STAM2: variants seen among roughly 807,000 people sequenced by gnomAD.
The protein encoded by STAM2 is signal transducing adapter molecule 2.
STAM2 carries 51 observed loss-of-function variants against 65.6 expected under a neutral mutation model. That is an observed-to-expected ratio of 0.78 (90% CI 0.62 to 0.98). STAM2 has a LOEUF of 0.98. Ranked by LOEUF, STAM2 falls within the 50% of genes least tolerant of loss-of-function variation. STAM2 has a pLI of 0.00. For missense variants in STAM2, 584 were observed against 617.8 expected (o/e 0.95, Z 0.58); for synonymous variants, 198 against 208.4 (o/e 0.95, Z 0.43).
chr2:152,160,660 C>T (rs1206205209), intron 1 of STAM2, among the ~76,000 whole-genome samples: 1 of 147,636 alleles, frequency 6.8e-6, no homozygotes, highest in African/African-American at 2.5e-5. Flanking sequence ...TGGGGGTCAG[C>T]CCCCCGCCCG....
At chr2:152,126,513 T>G (rs893612585) in intron 11 of STAM2, 134 bp from the exon 12 acceptor site, 1 of 510,678 alleles carries the variant, frequency 2.0e-6, no homozygotes, top group Non-Finnish European at 3.0e-6. Flanking sequence ...GAAAGAATAT[T>G]CACAAAGGGA....
chr2:152,148,266 C>T lies in STAM2; in HGVS notation c.160G>A (p.Val54Ile), dbSNP rs778607858. ...KDCLKAIMKRVNHKVPHVALQ... is the reference protein window; with the variant it reads ...KDCLKAIMKRINHKVPHVALQ... The stretch of plus-strand genomic sequence containing the variant: ...GCAACATGTGGAACCTTATGATTTA[C>T]CCTTTTCATTATGGCTTTTAGGCAA... Residue 54 changes from valine (V) to isoleucine (I), a missense_variant, in exon 3 of 14, where the codon GTA becomes ATA. By Grantham distance (29) the Val-to-Ile change is conservative. Transcript: ENST00000263904. 3 of 1,611,354 alleles carry T rather than the reference C, an allele frequency of 1.9e-6. No individual in the cohort carries two copies. The highest frequency in any genetic ancestry group is 2.5e-6 in the Non-Finnish European group (3 of 1,178,990).
At chr2:152,136,333 C>T (rs1689153544) in intron 7 of STAM2, among the ~76,000 whole-genome samples, 1 of 151,862 alleles carries the variant, frequency 6.6e-6, no homozygotes, top group Non-Finnish European at 1.5e-5. Flanking sequence ...ATCCCAGCAA[C>T]TTGGGAGGCT....
intron 1 of STAM2, 133 bp downstream of exon 1, chr2:152,175,470 C>A (rs888589955): frequency 6.0e-6 from 7 of 1,166,056 alleles, no homozygotes; most frequent in Non-Finnish European, 7.5e-6. Flanking sequence ...GTCGAAGGAG[C>A]GGGCGGCACC....
At chr2:152,134,452 T>C (rs977917213) in intron 8 of STAM2, among the ~76,000 whole-genome samples, 38 of 152,346 alleles carry the variant, frequency 2.5e-4, no homozygotes, top group African/African-American at 9.1e-4. Flanking sequence ...CAAAGTACTC[T>C]ATATTCAAAT....
intron 1 of STAM2, among the ~76,000 whole-genome samples, chr2:152,154,649 A>G (rs528513367): frequency 1.3e-5 from 2 of 151,892 alleles, no homozygotes; most frequent in East Asian, 3.9e-4. Flanking sequence ...GGGCAGGCTC[A>G]GGGTGACACT....
At chr2:152,166,672 G>GA (rs986015407) in intron 1 of STAM2, among the ~76,000 whole-genome samples, 42 of 146,110 alleles carry the variant, frequency 2.9e-4, no homozygotes, top group Admixed American at 1.0e-3. Flanking sequence ...ATTAATGTTT[G>GA]AAAAAAAAAA....
chr2:152,135,009 C>T (rs1357916534), intron 8 of STAM2, among the ~76,000 whole-genome samples: 2 of 152,174 alleles, frequency 1.3e-5, no homozygotes, highest in African/African-American at 4.8e-5. Flanking sequence ...GGCTTGATTA[C>T]ATTACTTTGT....
chr2:152,125,319 G>T (rs1688945142), intron 12 of STAM2, among the ~76,000 whole-genome samples: 2 of 152,182 alleles, frequency 1.3e-5, no homozygotes, highest in Admixed American at 1.3e-4. Flanking sequence ...TGACGTGACA[G>T]TTACCATAGT....
At chr2:152,170,070 C>G (rs1375823771) in intron 1 of STAM2, among the ~76,000 whole-genome samples, 1 of 151,722 alleles carries the variant, frequency 6.6e-6, no homozygotes, top group Non-Finnish European at 1.5e-5. Context: ...CTCCTGACCT[C>G]AGAAGATTTG....
intron 13 of STAM2, among the ~76,000 whole-genome samples, chr2:152,123,537 C>A (rs1477607229): frequency 3.3e-5 from 5 of 152,144 alleles, no homozygotes; most frequent in African/African-American, 1.2e-4. Context: ...ACATCATGGG[C>A]TTAGTCTCAT....
chr2:152,127,306 T>C (rs958368139), intron 11 of STAM2, among the ~76,000 whole-genome samples: 4 of 152,224 alleles, frequency 2.6e-5, no homozygotes, highest in Non-Finnish European at 5.9e-5. Flanking sequence ...CTTTATAATA[T>C]TAGGGAAAAG....
chr2:152,172,878 GAAAAAGA>G (rs1689921252), intron 1 of STAM2, among the ~76,000 whole-genome samples: 2 of 147,686 alleles, frequency 1.4e-5, no homozygotes, highest in Non-Finnish European at 3.0e-5. Context: ...AAAAAAAAAA[GAAAAAGA>G]AAAAAGAAAA....
rs989467387 is a variant in STAM2 at position 152,137,252 on chromosome 2, T to C, written c.705-1649A>G. On this transcript the variant is annotated intron_variant, in intron 7 of 13. Coordinates refer to ENST00000263904, the MANE Select transcript of STAM2 (RefSeq NM_005843.6). ...TAGAATGGCTGTGAAAATTCACCTTTCTCCTCCCCCCGGTTGCATGTAACA... is the reference window on the plus strand; with the variant it reads ...TAGAATGGCTGTGAAAATTCACCTTCCTCCTCCCCCCGGTTGCATGTAACA... Among the ~76,000 whole-genome samples the C allele has an allele frequency of 7.9e-5, 12 of 152,098 alleles. 1 individual carries two copies. Among genetic ancestry groups the C allele is most frequent in the Non-Finnish European group, 1.8e-4 (12 of 68,008 alleles).
At chr2:152,166,005 C>T (rs917947417) in intron 1 of STAM2, among the ~76,000 whole-genome samples, 189 of 152,214 alleles carry the variant, frequency 1.2e-3, no homozygotes, top group African/African-American at 4.5e-3. Flanking sequence ...GAGTTGCAGA[C>T]CAGCCTGGCC....
intron 5 of STAM2, 143 bp downstream of exon 5, chr2:152,147,019 G>T: frequency 1.5e-6 from 1 of 688,588 alleles, no homozygotes; most frequent in Admixed American, 3.0e-5. Context: ...TCTACTAAAC[G>T]TAAGGAAGGC....
chr2:152,155,892 AT>A (rs1179411346), intron 1 of STAM2, among the ~76,000 whole-genome samples: 1 of 152,054 alleles, frequency 6.6e-6, no homozygotes, highest in Admixed American at 6.6e-5. Flanking sequence ...ATTTTTACGA[AT>A]TTTTTGTCAG....
chr2:152,141,138 C>CAAAAAA (rs72256027), intron 7 of STAM2, among the ~76,000 whole-genome samples: 1 of 109,640 alleles, frequency 9.1e-6, no homozygotes, highest in Non-Finnish European at 1.9e-5. Context: ...GACCCTGTCT[C>CAAAAAA]AAAAAAAAAA....
At chr2:152,135,683 A>C in intron 7 of STAM2, 80 bp from the exon 8 acceptor site, 1 of 951,512 alleles carries the variant, frequency 1.1e-6, no homozygotes, top group Non-Finnish European at 1.6e-6. Flanking sequence ...AATTAAATTT[A>C]GCCTCCTTTG....
Sources: gnomAD v4.1 joint callset for allele counts (sites outside exome capture counted in the v4.1 genomes callset) on GRCh38, gnomAD v4.1.1 for gene constraint, MANE v1.5 for transcripts, NCBI Gene and HGNC (gene_info 2026-07-23, HGNC 2026-07-21) for gene names.